The following SLC67A1 variants were observed in gnomAD, a reference collection of about 807,000 sequenced individuals.
The protein encoded by SLC67A1 is solute carrier family 67 member 1.
chr11:2,903,082 G>C, the SLC67A1 span: 120 of 653,076 alleles, frequency 1.8e-4, no homozygotes, highest in Non-Finnish European at 2.6e-4. Context: ...TCCCCTCCCC[G>C]GGAGGCTGTG....
chr11:2,906,238 G>A, the SLC67A1 span, among the ~76,000 whole-genome samples: 7 of 152,214 alleles, frequency 4.6e-5, no homozygotes, highest in African/African-American at 9.6e-5. Context: ...TGGAGAGGAC[G>A]TGGAGAAATA....
chr11:2,903,074 C>T, the SLC67A1 span: 3 of 599,430 alleles, frequency 5.0e-6, no homozygotes, highest in Non-Finnish European at 5.1e-6. Context: ...TCCCTGTCTC[C>T]CCTCCCCGGG....
the SLC67A1 span, chr11:2,915,092 G>A: frequency 0.02 from 19,684 of 985,420 alleles, 251 homozygotes; most frequent in Non-Finnish European, 0.022. Flanking sequence ...AGCACAGGTG[G>A]GGTGGATATG....
chr11:2,922,624 G>C, the SLC67A1 span: 1 of 1,443,524 alleles, frequency 6.9e-7, no homozygotes, highest in Non-Finnish European at 9.5e-7. Flanking sequence ...TGGGGATGGG[G>C]TGGGCAGCCT....
chr11:2,918,239 G>T, the SLC67A1 span: 1 of 660,850 alleles, frequency 1.5e-6, no homozygotes. Context: ...AGGCAGAAAA[G>T]TGTCTTTCCC....
At chr11:2,908,346 G>A in the SLC67A1 span, 4 of 1,570,572 alleles carry the variant, frequency 2.5e-6, no homozygotes, top group African/African-American at 2.7e-5. Flanking sequence ...GTGTGTGTGT[G>A]TACAGGGGCT....
chr11:2,925,012 A>G, the SLC67A1 span: 2 of 1,608,688 alleles, frequency 1.2e-6, no homozygotes, highest in Non-Finnish European at 1.7e-6. This position sits in a 1 kb window ranked among gnomAD's most constrained non-coding sequence, Gnocchi z 6.5. Flanking sequence ...CCCCCCAGGG[A>G]CCATGCTGGG....
At chr11:2,903,272 C>A in the SLC67A1 span, 24 of 1,572,600 alleles carry the variant, frequency 1.5e-5, no homozygotes, top group Admixed American at 3.5e-5. Context: ...CCCGGATCAA[C>A]TGGACTTTTG....
chr11:2,913,412 A>AGGGTT, the SLC67A1 span, among the ~76,000 whole-genome samples: 1 of 152,050 alleles, frequency 6.6e-6, no homozygotes, highest in South Asian at 2.1e-4. Context: ...CATTTGGGGC[A>AGGGTT]GGAGGGAGCT....
the SLC67A1 span, chr11:2,916,697 C>A: frequency 4.3e-6 from 7 of 1,613,228 alleles, no homozygotes; most frequent in Non-Finnish European, 5.9e-6. Flanking sequence ...GCATCCCCGC[C>A]AGCACCAAAG....
chr11:2,908,333 A>T, the SLC67A1 span: 1 of 1,609,596 alleles, frequency 6.2e-7, no homozygotes, highest in African/African-American at 1.3e-5. Context: ...TTTGGCAGGT[A>T]CAGTGTGTGT....
At chr11:2,918,929 A>C in the SLC67A1 span, 2 of 207,104 alleles carry the variant, frequency 9.7e-6, no homozygotes, top group Non-Finnish European at 2.1e-5. Context: ...TCCTGGCCTC[A>C]ATCAGTCCTC....
the SLC67A1 span, chr11:2,903,709 G>A: frequency 1.7e-6 from 1 of 594,306 alleles, no homozygotes; most frequent in Non-Finnish European, 3.0e-6. Context: ...GCCAGCCCCG[G>A]GAGAAGCCAT....
chr11:2,904,271 T>G, the SLC67A1 span, among the ~76,000 whole-genome samples: 106 of 152,264 alleles, frequency 7.0e-4, 1 homozygote, highest in African/African-American at 2.4e-3. Context: ...GCTGCCCTCC[T>G]CCTCTCAGCC....
the SLC67A1 span, chr11:2,918,084 A>G: frequency 1.1e-5 from 18 of 1,613,292 alleles, no homozygotes; most frequent in Admixed American, 3.3e-5. Context: ...GTGGCCTCCA[A>G]CTGCCCCACA....
At chr11:2,917,378 A>G in the SLC67A1 span, among the ~76,000 whole-genome samples, 1 of 152,106 alleles carries the variant, frequency 6.6e-6, no homozygotes, top group African/African-American at 2.4e-5. Flanking sequence ...GAATTAACCT[A>G]GAAAGTCCAG....
chr11:2,900,708 A>G, the SLC67A1 span, among the ~76,000 whole-genome samples: 5 of 151,282 alleles, frequency 3.3e-5, no homozygotes, highest in African/African-American at 1.2e-4. Flanking sequence ...AAAAAAAAAA[A>G]AAAAAAAAAG....
At chr11:2,925,023 C>A in the SLC67A1 span, 1 of 1,611,414 alleles carries the variant, frequency 6.2e-7, no homozygotes. This position sits in a 1 kb window ranked among gnomAD's most constrained non-coding sequence, Gnocchi z 6.5. Flanking sequence ...CCATGCTGGG[C>A]CTCTGCGCCT....
At chr11:2,903,765 CT>C in the SLC67A1 span, 1 of 496,268 alleles carries the variant, frequency 2.0e-6, no homozygotes. Context: ...CTCCTCAAAC[CT>C]TCCTAGCGCT....
Sources: gnomAD v4.1 joint callset for allele counts (sites outside exome capture counted in the v4.1 genomes callset) on GRCh38, gnomAD v4.1.1 for gene constraint, Gnocchi (gnomAD v3.1) non-coding constraint, MANE v1.5 for transcripts, NCBI Gene and HGNC (gene_info 2026-07-23, HGNC 2026-07-21) for gene names.